CNTNAP2: variants seen among roughly 807,000 people sequenced by gnomAD.
CNTNAP2 encodes the protein contactin-associated protein-like 2.
Under a neutral mutation model 155.2 loss-of-function variants are expected in CNTNAP2, and 98 were observed. That is an observed-to-expected ratio of 0.63 (90% CI 0.54 to 0.75). The LOEUF is 0.75. Among genes scored for constraint, CNTNAP2 ranks in the 30% least tolerant of loss-of-function variants. CNTNAP2 has a pLI of 0.00. For missense variants in CNTNAP2, 1,727 were observed against 1,688.1 expected, an observed-to-expected ratio of 1.02 and a Z score of -0.40; for synonymous variants, 651 against 631.2, an observed-to-expected ratio of 1.03 and a Z score of -0.47.
intron 13 of CNTNAP2, among the ~76,000 whole-genome samples, chr7:147,774,264 T>G (rs1452815284): frequency 6.6e-6 from 1 of 152,186 alleles, no homozygotes; most frequent in Non-Finnish European, 1.5e-5. Flanking sequence ...ATTAATGATT[T>G]CCTGAAACCT....
At chr7:147,789,963 C>T (rs1797794488) in intron 13 of CNTNAP2, among the ~76,000 whole-genome samples, 1 of 152,204 alleles carries the variant, frequency 6.6e-6, no homozygotes, top group East Asian at 1.9e-4. Flanking sequence ...TGCTCCTCAG[C>T]TTGCAGAAAG....
At chr7:147,758,751 G>A (rs1360602010) in intron 13 of CNTNAP2, among the ~76,000 whole-genome samples, 2 of 152,098 alleles carry the variant, frequency 1.3e-5, no homozygotes, top group African/African-American at 4.8e-5. Context: ...GGGCTGAGGT[G>A]AGAGGATCAC....
At chr7:147,295,153 C>G (rs935158967) in intron 8 of CNTNAP2, among the ~76,000 whole-genome samples, 1 of 152,062 alleles carries the variant, frequency 6.6e-6, no homozygotes, top group African/African-American at 2.4e-5. Context: ...CATTTTATTT[C>G]CAGACCTGAT....
rs369872873 is a variant in CNTNAP2 at position 147,869,080 on chromosome 7, A to G, written c.2099-34485A>G. Among the ~76,000 whole-genome samples, 67 of 152,334 alleles carry G rather than the reference A, an allele frequency of 4.4e-4. 1 individual carries two copies. The highest frequency in any genetic ancestry group is 1.1e-3 in the African/African-American group (44 of 41,584). On this transcript the variant is annotated intron_variant, in intron 13 of 23. Coordinates refer to ENST00000361727, the MANE Select transcript of CNTNAP2 (RefSeq NM_014141.6). ...ATCACACTGGGTGCTGCGGACCAGA[A>G]CTGTTCCTCTTCGGCCGTCTTGGAA...
chr7:146,599,780 A>AGATAGATAGATAGATAGATC (rs1187218415), intron 1 of CNTNAP2, among the ~76,000 whole-genome samples: 13 of 152,032 alleles, frequency 8.6e-5, no homozygotes, highest in African/African-American at 1.2e-4. Flanking sequence ...ATAGATAGAT[A>AGATAGATAGATAGATAGATC]GATCTCTAGT....
intron 3 of CNTNAP2, among the ~76,000 whole-genome samples, chr7:147,000,686 C>G (rs1432724700): frequency 6.6e-6 from 1 of 152,070 alleles, no homozygotes; most frequent in Non-Finnish European, 1.5e-5. Context: ...GGATACAGAG[C>G]CTGCCACAAT....
intron 11 of CNTNAP2, among the ~76,000 whole-genome samples, chr7:147,494,460 A>G (rs1431251938): frequency 5.5e-5 from 5 of 90,918 alleles, no homozygotes; most frequent in Non-Finnish European, 1.1e-4. Flanking sequence ...TTTCTCTTTG[A>G]GTCTTGGCAA....
In CNTNAP2 at chr7:147,543,126, C is replaced by A. The variant is rs1289100247; in HGVS notation, c.1778-19012C>A. Among the ~76,000 whole-genome samples, 3 of 152,172 alleles carry A rather than the reference C, an allele frequency of 2.0e-5. No homozygotes were observed. The East Asian group carries it at 5.8e-4, about 29-fold the overall frequency. ...GATTTACCCACATATTTATTAACAG[C>A]AAACCAGTCATTAGCATTGTTTCTA... On this transcript the variant is annotated intron_variant, in intron 11 of 23. Coordinates refer to ENST00000361727, the MANE Select transcript of CNTNAP2 (RefSeq NM_014141.6).
intron 14 of CNTNAP2, among the ~76,000 whole-genome samples, chr7:147,925,311 C>A (rs1415897212): frequency 6.6e-6 from 1 of 151,796 alleles, no homozygotes; most frequent in Non-Finnish European, 1.5e-5. Flanking sequence ...CACACACACA[C>A]ACACACACAC....
intron 9 of CNTNAP2, among the ~76,000 whole-genome samples, chr7:147,350,950 A>C (rs1795957483): frequency 6.6e-6 from 1 of 151,748 alleles, no homozygotes; most frequent in Admixed American, 6.6e-5. Context: ...AACAAATATG[A>C]TCATTTTCAT....
intron 1 of CNTNAP2, among the ~76,000 whole-genome samples, chr7:146,396,650 A>G (rs1477392249): frequency 6.6e-6 from 1 of 151,052 alleles, no homozygotes; most frequent in Non-Finnish European, 1.5e-5. Flanking sequence ...ACATTTTGCT[A>G]AAGTTTGGAA....
chr7:146,874,435 G>T (rs1301323489), intron 3 of CNTNAP2, among the ~76,000 whole-genome samples: 1 of 152,096 alleles, frequency 6.6e-6, no homozygotes, highest in Admixed American at 6.6e-5. Context: ...TGTCTCCAGG[G>T]TTCAAGTGAT....
At chr7:146,687,553 C>A (rs1800623215) in intron 1 of CNTNAP2, among the ~76,000 whole-genome samples, 1 of 151,640 alleles carries the variant, frequency 6.6e-6, no homozygotes, top group African/African-American at 2.4e-5. Flanking sequence ...CTAAATGATG[C>A]AAATAGATGA....
chr7:146,237,312 T>A (rs1799490455), intron 1 of CNTNAP2, among the ~76,000 whole-genome samples: 2 of 152,198 alleles, frequency 1.3e-5, no homozygotes, highest in African/African-American at 2.4e-5. Context: ...AGAAGACCAC[T>A]GGCCAGTGTT....
At chr7:147,701,058 G>A (rs1237482600) in intron 13 of CNTNAP2, among the ~76,000 whole-genome samples, 2 of 152,154 alleles carry the variant, frequency 1.3e-5, no homozygotes, top group African/African-American at 4.8e-5. Context: ...CTGAACTGCT[G>A]GGACGGTTCT....
intron 13 of CNTNAP2, among the ~76,000 whole-genome samples, chr7:147,736,552 A>G (rs1431381528): frequency 1.3e-5 from 2 of 152,074 alleles, no homozygotes; most frequent in Non-Finnish European, 2.9e-5. Flanking sequence ...GTATTTCCTG[A>G]ATTTGAATGT....
At chr7:148,024,173 A>AAAAAAAAAAAAC (rs796940228) in intron 15 of CNTNAP2, among the ~76,000 whole-genome samples, 1,931 of 147,518 alleles carry the variant, frequency 0.013, 20 homozygotes, top group East Asian at 0.079. Context: ...AAAAAAAAAA[A>AAAAAAAAAAAAC]AAAAAACTTT....
intron 1 of CNTNAP2, among the ~76,000 whole-genome samples, chr7:146,167,254 A>T (rs1798325761): frequency 6.6e-6 from 1 of 152,228 alleles, no homozygotes; most frequent in African/African-American, 2.4e-5. Flanking sequence ...CATTTTACAG[A>T]TAAATGACAC....
intron 1 of CNTNAP2, among the ~76,000 whole-genome samples, chr7:146,494,392 G>GTAGTAAAATACTA (rs1296138987): frequency 1.3e-5 from 2 of 151,844 alleles, no homozygotes; most frequent in Non-Finnish European, 2.9e-5. Context: ...TGCTTTGTAT[G>GTAGTAAAATACTA]TAGTAAAATA....
Sources: allele counts gnomAD v4.1 joint callset (sites outside exome capture counted in the v4.1 genomes callset), GRCh38; gene constraint gnomAD v4.1.1; transcripts MANE v1.5; gene names NCBI Gene and HGNC (gene_info 2026-07-23, HGNC 2026-07-21).